Variants in CEP112 observed in about 807,000 individuals in gnomAD.
CEP112 encodes the protein centrosomal protein of 112 kDa.
A neutral mutation model predicts 153.0 loss-of-function variants in CEP112; 127 were observed. The observed-to-expected ratio is 0.83, with a 90% confidence interval of 0.72 to 0.96. CEP112 has a LOEUF of 0.96. Ranked by LOEUF, CEP112 falls within the 40% of genes least tolerant of loss-of-function variation. CEP112 has a pLI of 0.00. For missense variants in CEP112, 1,089 were observed against 1,101.2 expected, an observed-to-expected ratio of 0.99 and a Z score of 0.16; for synonymous variants, 358 against 374.4, an observed-to-expected ratio of 0.96 and a Z score of 0.51.
intron 24 of CEP112, chr17:65,644,413 CT>C: frequency 1.9e-6 from 1 of 525,964 alleles, no homozygotes; most frequent in South Asian, 1.7e-5. Context: ...GAACTCGGAC[CT>C]CAAGGCTTAG....
At chr17:65,967,721 A>G (rs1389243078) in intron 17 of CEP112, among the ~76,000 whole-genome samples, 1 of 152,158 alleles carries the variant, frequency 6.6e-6, no homozygotes, top group Admixed American at 6.6e-5. Context: ...AAAATTAATG[A>G]AAGTTTTAAA....
intron 21 of CEP112, 148 bp downstream of exon 21, chr17:65,851,656 G>C: frequency 1.6e-6 from 1 of 618,916 alleles, no homozygotes; most frequent in Non-Finnish European, 2.8e-6. Context: ...ATAGGAGCAA[G>C]ATACTTAAAT....
intron 18 of CEP112, among the ~76,000 whole-genome samples, chr17:65,948,517 T>G (rs11867666): frequency 0.065 from 9,831 of 152,058 alleles, 465 homozygotes; most frequent in African/African-American, 0.12. Flanking sequence ...TTTCAGTCAT[T>G]TATGTGTTTC....
At chr17:65,751,475 T>C (rs1445058723) in intron 21 of CEP112, among the ~76,000 whole-genome samples, 1 of 152,162 alleles carries the variant, frequency 6.6e-6, no homozygotes, top group African/African-American at 2.4e-5. Flanking sequence ...CCATCAATCA[T>C]GCGGGCACTA....
chr17:65,719,103 G>A (rs191142571), intron 23 of CEP112, among the ~76,000 whole-genome samples: 2 of 152,320 alleles, frequency 1.3e-5, no homozygotes. Context: ...CTTTCTTGTT[G>A]CATGCCTTTC....
chr17:65,657,756 C>T (rs958725456), intron 24 of CEP112, among the ~76,000 whole-genome samples: 4 of 152,102 alleles, frequency 2.6e-5, no homozygotes, highest in African/African-American at 7.2e-5. Flanking sequence ...CCCAAGAAAA[C>T]CTATAGAATA....
chr17:65,780,387 A>G (rs901743294), intron 21 of CEP112, among the ~76,000 whole-genome samples: 1 of 152,114 alleles, frequency 6.6e-6, no homozygotes, highest in East Asian at 1.9e-4. Flanking sequence ...CAGAAACTGA[A>G]ACTCATTTAT....
chr17:65,774,139 G>A (rs2053544799), intron 21 of CEP112, among the ~76,000 whole-genome samples: 1 of 151,580 alleles, frequency 6.6e-6, no homozygotes, highest in South Asian at 2.1e-4. Flanking sequence ...AGGGCTGACT[G>A]GATCCAGGGC....
At chr17:65,951,351 CA>C (rs2061822444) in intron 18 of CEP112, among the ~76,000 whole-genome samples, 2 of 152,028 alleles carry the variant, frequency 1.3e-5, no homozygotes. Flanking sequence ...CCAGTGAAGC[CA>C]TTTGTCTTAG....
intron 21 of CEP112, among the ~76,000 whole-genome samples, chr17:65,829,058 T>A (rs2056969239): frequency 6.6e-6 from 1 of 152,136 alleles, no homozygotes; most frequent in South Asian, 2.1e-4. Flanking sequence ...ACCCTAGGCA[T>A]CTTGGTATTA....
chr17:65,708,565 T>C (rs528405528), intron 23 of CEP112, among the ~76,000 whole-genome samples: 197 of 152,278 alleles, frequency 1.3e-3, no homozygotes, highest in African/African-American at 4.5e-3. Context: ...GAAGCTTCTC[T>C]CTCTCATCTC....
At position 65,839,636 on chromosome 17, in the gene CEP112, C is replaced by T. The variant is rs143877810; in HGVS notation, c.2394+12168G>A. On this transcript the variant is annotated intron_variant, in intron 21 of 26. Coordinates refer to ENST00000535342, the MANE Select transcript of CEP112 (RefSeq NM_001199165.4). ...ACAAGGATGCTCACTTTCACCATTT[C>T]TATTCAACACAGATAGTATTGGGAG... Among the ~76,000 whole-genome samples, 110 of 152,094 alleles carry T rather than the reference C, an allele frequency of 7.2e-4. 1 individual carries two copies. In the East Asian group the frequency reaches 7.7e-3, roughly 11 times the overall value.
At chr17:66,062,577 C>T (rs1312739047) in intron 11 of CEP112, among the ~76,000 whole-genome samples, 2 of 151,922 alleles carry the variant, frequency 1.3e-5, no homozygotes, top group South Asian at 2.1e-4. Context: ...AAATTCTAGT[C>T]CATATTATAT....
chr17:66,031,760 T>C (rs2065497707), intron 12 of CEP112, among the ~76,000 whole-genome samples: 1 of 151,744 alleles, frequency 6.6e-6, no homozygotes, highest in Non-Finnish European at 1.5e-5. Context: ...CCATGGCCAG[T>C]GAAAGATTTA....
chr17:65,871,470 C>T (rs2058668265), intron 20 of CEP112, among the ~76,000 whole-genome samples: 1 of 152,018 alleles, frequency 6.6e-6, no homozygotes, highest in South Asian at 2.1e-4. Context: ...CCCATCTCTA[C>T]TAAAAATACA....
At chr17:66,067,394 T>C (rs1236340069) in intron 9 of CEP112, among the ~76,000 whole-genome samples, 1 of 152,218 alleles carries the variant, frequency 6.6e-6, no homozygotes, top group Non-Finnish European at 1.5e-5. Context: ...TTTTCTCAGA[T>C]TAGCATAAAA....
intron 21 of CEP112, among the ~76,000 whole-genome samples, chr17:65,814,842 T>C (rs1399450758): frequency 6.6e-6 from 1 of 152,212 alleles, no homozygotes; most frequent in Non-Finnish European, 1.5e-5. Flanking sequence ...ACAGTCTATC[T>C]TCTGTGGTGA....
At chr17:65,871,104 A>AT (rs1332624871) in intron 20 of CEP112, among the ~76,000 whole-genome samples, 1 of 152,222 alleles carries the variant, frequency 6.6e-6, no homozygotes, top group African/African-American at 2.4e-5. Context: ...TTACTAAAGT[A>AT]TTCTAAAGTT....
At chr17:65,999,023 T>C (rs965925448) in intron 17 of CEP112, among the ~76,000 whole-genome samples, 1 of 152,136 alleles carries the variant, frequency 6.6e-6, no homozygotes, top group Non-Finnish European at 1.5e-5. Flanking sequence ...ATTCTCCACG[T>C]TTGTTATATT....
Sources: gnomAD v4.1 joint callset for allele counts (sites outside exome capture counted in the v4.1 genomes callset) on GRCh38, gnomAD v4.1.1 for gene constraint, MANE v1.5 for transcripts, NCBI Gene and HGNC (gene_info 2026-07-23, HGNC 2026-07-21) for gene names.